Variants in SEC22A observed in about 807,000 individuals in gnomAD.
SEC22A encodes SEC22 homolog A, vesicle trafficking protein.
In SEC22A, 22 loss-of-function variants were observed where a neutral mutation model predicts 35.3. The ratio of observed to expected loss-of-function variants is 0.62; its 90% CI spans 0.45 to 0.89. The LOEUF (loss-of-function observed/expected upper bound fraction) is 0.89. Among genes scored for constraint, SEC22A ranks in the 40% least tolerant of loss-of-function variants. SEC22A has a pLI of 0.00. For missense variants in SEC22A, 354 were observed against 362.5 expected (o/e 0.98, Z 0.19); for synonymous variants, 119 against 129.5 (o/e 0.92, Z 0.55).
In SEC22A at chr3:123,223,279, C is replaced by A. The variant is rs184044454; in HGVS notation, c.183-280C>A. Among the ~76,000 whole-genome samples the A allele has an allele frequency of 1.2e-4, 19 of 152,302 alleles. No individual in the cohort carries two copies. In the East Asian group the frequency reaches 3.5e-3, roughly 28 times the overall value. On this transcript the variant is annotated intron_variant, in intron 2 of 6. Transcript: ENST00000492595. ...AATACTTACAATACATTTGTATATC[C>A]ATTCCCCTGCTTTTTACCCCAAGTG...
At chr3:123,253,398 T>C (rs550970350) in intron 5 of SEC22A, among the ~76,000 whole-genome samples, 2 of 152,230 alleles carry the variant, frequency 1.3e-5, no homozygotes, top group African/African-American at 4.8e-5. Flanking sequence ...CCCATAGACT[T>C]GTTGATGCCT....
chr3:123,225,680 T>C (rs1937208045), intron 4 of SEC22A, among the ~76,000 whole-genome samples: 1 of 152,228 alleles, frequency 6.6e-6, no homozygotes, highest in East Asian at 1.9e-4. Context: ...CAAGCATTTA[T>C]TATTTCTTTG....
At chr3:123,232,677 T>C (rs1937343699) in intron 4 of SEC22A, among the ~76,000 whole-genome samples, 2 of 152,270 alleles carry the variant, frequency 1.3e-5, no homozygotes, top group South Asian at 4.2e-4. Flanking sequence ...TGCAACACTG[T>C]CTCTACAAAA....
At chr3:123,213,540 C>T (rs1327798672) in intron 2 of SEC22A, among the ~76,000 whole-genome samples, 1 of 152,212 alleles carries the variant, frequency 6.6e-6, no homozygotes, top group Non-Finnish European at 1.5e-5. Context: ...TGATCTCACT[C>T]CTTTCACAGA....
At chr3:123,262,767 G>C (rs145176604) in intron 6 of SEC22A, among the ~76,000 whole-genome samples, 7 of 152,308 alleles carry the variant, frequency 4.6e-5, no homozygotes, top group Non-Finnish European at 1.0e-4. Flanking sequence ...ATATCAGGAT[G>C]TGACCCTATC....
At chr3:123,208,401 G>A (rs1033764768) in intron 1 of SEC22A, 2 of 152,124 alleles carry the variant, frequency 1.3e-5, no homozygotes, top group Admixed American at 6.5e-5. Context: ...GAGGTTAAAA[G>A]GTATGCCTTC....
intron 4 of SEC22A, among the ~76,000 whole-genome samples, chr3:123,235,363 G>A (rs1229396202): frequency 6.6e-6 from 1 of 152,206 alleles, no homozygotes; most frequent in Non-Finnish European, 1.5e-5. Flanking sequence ...GTTTAAAAAT[G>A]GAGAAAGGAT....
intron 1 of SEC22A, among the ~76,000 whole-genome samples, chr3:123,204,321 T>C (rs540331243): frequency 1.3e-5 from 2 of 152,196 alleles, no homozygotes; most frequent in East Asian, 3.9e-4. Flanking sequence ...ATAGTACAGG[T>C]GGATGAAGAT....
rs9790114 is a variant in SEC22A, at chr3:123,223,373, T to G, written c.183-186T>G. Reference sequence around the variant, plus strand: ...CATTCTATTTTTTGTCTTCTGTTTTTAAACCACAACTTAAAATAGTGCTGT... The same window carrying G: ...CATTCTATTTTTTGTCTTCTGTTTTGAAACCACAACTTAAAATAGTGCTGT... On this transcript the variant is annotated intron_variant, in intron 2 of 6. Transcript: ENST00000492595. Among the ~76,000 whole-genome samples, 29,847 of 152,166 alleles carry G rather than the reference T, an allele frequency of 0.2. 3,040 individuals are homozygous for G. Among genetic ancestry groups the G allele is most frequent in the Middle Eastern group, 0.28 (81 of 294 alleles).
rs1559760142 is a variant in SEC22A at position 123,246,011 on chromosome 3, G to T, written c.654G>T (p.Leu218=). 6.3e-7 allele frequency: 1 copy of T among 1,576,414 alleles called. No homozygotes were observed. The highest frequency in any genetic ancestry group is 8.7e-7 in the Non-Finnish European group (1 of 1,146,954). ...IRGFHAIESL[L]QSDGDDFNYI... is the part of the protein sequence containing the mutation. ...GCTTTCATGCTATAGAAAGTCTCCT[G>T]CAGGTACTGTGCTATTTTTGCAATT... The change falls in exon 5 of 7, where the codon CTG becomes CTT. Residue 218 remains leucine (L), a synonymous_variant. Coordinates refer to ENST00000492595, the MANE Select transcript of SEC22A (RefSeq NM_012430.5).
intron 6 of SEC22A, among the ~76,000 whole-genome samples, chr3:123,264,124 G>A (rs574441331): frequency 6.6e-6 from 1 of 152,120 alleles, no homozygotes; most frequent in South Asian, 2.1e-4. Flanking sequence ...GCCCAGGCTG[G>A]TCTTGGACTC....
At chr3:123,234,222 C>T (rs773965223) in intron 4 of SEC22A, among the ~76,000 whole-genome samples, 4 of 152,180 alleles carry the variant, frequency 2.6e-5, no homozygotes, top group Non-Finnish European at 4.4e-5. Context: ...AGAGATTCAG[C>T]ACATTCTTTA....
Position 123,269,833 on chromosome 3 carries a change from T to C in SEC22A, c.724-1689T>C, listed in dbSNP as rs540590625. On this transcript the variant is annotated intron_variant, in intron 6 of 6. Coordinates refer to ENST00000492595, the MANE Select transcript of SEC22A (RefSeq NM_012430.5). The stretch of plus-strand genomic sequence containing the variant: ...ATTTTTAGTAGAGACAGGGTTTCAC[T>C]GTGTTAGCCAGGATGGTCTCAATCT... Among the ~76,000 whole-genome samples the C allele has an allele frequency of 2.1e-4, 32 of 152,028 alleles. 1 individual carries two copies. In the South Asian group the frequency reaches 6.7e-3, roughly 32 times the overall value.
rs16335 is a variant in SEC22A at position 123,271,887 on chromosome 3, G to GACCTGCTAGGAAA, written c.*166_*167insCCTGCTAGGAAAA. On this transcript the variant is annotated 3_prime_UTR_variant, in exon 7 of 7. Transcript: ENST00000492595. The stretch of plus-strand genomic sequence containing the variant: ...GCATGATGTGCCTGTGAGCATGGAA[G>GACCTGCTAGGAAA]AGTCCTCTCAGAAGAATGTTGGCCA... 0.19 allele frequency: 117,746 copies of GACCTGCTAGGAAA among 615,118 alleles called. 11,950 individuals are homozygous for GACCTGCTAGGAAA. The highest frequency in any genetic ancestry group is 0.28 in the Middle Eastern group (645 of 2,278). The allele number at this position is 615,118 out of a possible 1,614,324, so 38.1% of individuals were successfully genotyped here.
intron 2 of SEC22A, among the ~76,000 whole-genome samples, chr3:123,217,219 A>G (rs564458155): frequency 2.0e-5 from 3 of 150,164 alleles, no homozygotes; most frequent in Non-Finnish European, 4.4e-5. Flanking sequence ...TTTTTTTGAG[A>G]TGGAGTCTCG....
intron 3 of SEC22A, 84 bp downstream of exon 3, chr3:123,223,806 G>A (rs1937172890): frequency 4.2e-6 from 4 of 942,006 alleles, no homozygotes; most frequent in Non-Finnish European, 6.3e-6. Flanking sequence ...GTGGAGGGGG[G>A]ACTTCTGCTA....
intron 4 of SEC22A, among the ~76,000 whole-genome samples, chr3:123,234,600 A>G (rs1937382999): frequency 6.6e-6 from 1 of 151,698 alleles, no homozygotes; most frequent in South Asian, 2.1e-4. Flanking sequence ...AAAAAAATAT[A>G]TAAATTAATT....
chr3:123,253,573 G>A (rs1338065887), intron 5 of SEC22A, among the ~76,000 whole-genome samples: 1 of 151,940 alleles, frequency 6.6e-6, no homozygotes, highest in African/African-American at 2.4e-5. Flanking sequence ...TTAACTGAGC[G>A]CGGTGGCAGG....
At chr3:123,256,246 G>A (rs1380227876) in intron 5 of SEC22A, among the ~76,000 whole-genome samples, 1 of 152,152 alleles carries the variant, frequency 6.6e-6, no homozygotes, top group African/African-American at 2.4e-5. Context: ...AGACTGCCAA[G>A]TTAGATCTCT....
Sources: allele counts gnomAD v4.1 joint callset (sites outside exome capture counted in the v4.1 genomes callset), GRCh38; gene constraint gnomAD v4.1.1; transcripts MANE v1.5; gene names NCBI Gene and HGNC (gene_info 2026-07-23, HGNC 2026-07-21).